MDGA2: variants seen among roughly 807,000 people sequenced by gnomAD.
MDGA2 encodes MAM domain containing glycosylphosphatidylinositol anchor 2, also known as MAM domain-containing glycosylphosphatidylinositol anchor protein 2.
A neutral mutation model predicts 117.8 loss-of-function variants in MDGA2; 40 were observed. That is an observed-to-expected ratio of 0.34 (90% CI 0.26 to 0.44). MDGA2 has a LOEUF of 0.44. Ranked by LOEUF, MDGA2 falls within the 20% of genes least tolerant of loss-of-function variation. The pLI is 1.00. For synonymous variants in MDGA2, 452 were observed against 439.0 expected (o/e 1.03, Z -0.37); for missense variants, 1,123 against 1,250.6 (o/e 0.90, Z 1.54).
At position 47,241,858 on chromosome 14, in the gene MDGA2, A is replaced by G. The variant is rs1237011424; in HGVS notation, c.421-23663T>C. Among the ~76,000 whole-genome samples the G allele has an allele frequency of 1.3e-5, 2 of 151,948 alleles. 1 individual carries two copies. The highest frequency in any genetic ancestry group is 2.9e-5 in the Non-Finnish European group (2 of 67,882). On this transcript the variant is annotated intron_variant, in intron 2 of 16. Coordinates refer to ENST00000399232, the MANE Select transcript of MDGA2 (RefSeq NM_001113498.3). The stretch of plus-strand genomic sequence containing the variant: ...CATAGGGGAACAAAACAAAATAGCT[A>G]AATTGAAATCCCTTCTTTACTATGA...
At chr14:47,529,929 A>G (rs906877105) in intron 1 of MDGA2, among the ~76,000 whole-genome samples, 4 of 152,208 alleles carry the variant, frequency 2.6e-5, no homozygotes, top group Non-Finnish European at 4.4e-5. Context: ...CCCTGAAACT[A>G]CTGCTACGGA....
intron 1 of MDGA2, among the ~76,000 whole-genome samples, chr14:47,469,471 A>G (rs1893674986): frequency 6.6e-6 from 1 of 152,224 alleles, no homozygotes; most frequent in Admixed American, 6.5e-5. Context: ...ATGTCCGTAC[A>G]AAGGACAAGA....
At chr14:47,506,843 C>T (rs751716695) in intron 1 of MDGA2, among the ~76,000 whole-genome samples, 18 of 151,946 alleles carry the variant, frequency 1.2e-4, no homozygotes, top group Admixed American at 5.9e-4. Context: ...AACTGAGGTC[C>T]CTGGATGGTT....
At chr14:47,002,648 G>A (rs1427761827) in intron 8 of MDGA2, among the ~76,000 whole-genome samples, 2 of 151,984 alleles carry the variant, frequency 1.3e-5, no homozygotes, top group African/African-American at 4.8e-5. Flanking sequence ...AGAATTGCTT[G>A]AACCCAGGAG....
At chr14:46,848,266 C>T (rs1179398635) in intron 15 of MDGA2, among the ~76,000 whole-genome samples, 1 of 151,976 alleles carries the variant, frequency 6.6e-6, no homozygotes, top group African/African-American at 2.4e-5. Context: ...ACATGGATTT[C>T]CTATCTTAGC....
intron 1 of MDGA2, among the ~76,000 whole-genome samples, chr14:47,313,678 T>A (rs561025147): frequency 6.6e-6 from 1 of 152,322 alleles, no homozygotes; most frequent in Admixed American, 6.5e-5. Flanking sequence ...ATTTACATAA[T>A]TCAATAATTT....
In MDGA2 at chr14:47,059,431, A is replaced by G; in HGVS notation, c.1525+1818T>C. On this transcript the variant is annotated intron_variant, in intron 7 of 16. Transcript: ENST00000399232. ...TAGTTAGGAAAATTTAATGATTACA[A>G]CCAATCTCTTATTACTAATCTTGAA... The G allele has an allele frequency of 9.7e-6, 6 of 619,918 alleles. No homozygotes were observed. The Middle Eastern group carries it at 1.5e-3, about 157-fold the overall frequency. The allele number at this position is 619,918 out of a possible 1,614,324, so 38.4% of individuals were successfully genotyped here.
At chr14:47,000,507 CTG>C (rs962586609) in intron 8 of MDGA2, among the ~76,000 whole-genome samples, 5 of 147,098 alleles carry the variant, frequency 3.4e-5, no homozygotes, top group Admixed American at 1.4e-4. Context: ...AAATTGCTAA[CTG>C]TGCATTGTTG....
intron 15 of MDGA2, among the ~76,000 whole-genome samples, chr14:46,852,757 T>C (rs1404601728): frequency 4.6e-5 from 7 of 151,878 alleles, no homozygotes; most frequent in Non-Finnish European, 8.8e-5. Flanking sequence ...TGAAAAATAA[T>C]TAGCCCTATA....
At chr14:47,091,567 A>G (rs1176579759) in intron 6 of MDGA2, among the ~76,000 whole-genome samples, 1 of 152,096 alleles carries the variant, frequency 6.6e-6, no homozygotes, top group Non-Finnish European at 1.5e-5. Context: ...TAAAAATGGG[A>G]GTCATATGAA....
At chr14:46,889,873 G>C (rs1882813036) in intron 10 of MDGA2, among the ~76,000 whole-genome samples, 1 of 151,876 alleles carries the variant, frequency 6.6e-6, no homozygotes, top group South Asian at 2.1e-4. Context: ...CTACATGTTG[G>C]GAAGTGAGCA....
chr14:47,030,101 C>T (rs35961631), intron 8 of MDGA2, among the ~76,000 whole-genome samples: 7,502 of 152,164 alleles, frequency 0.049, 234 homozygotes, highest in Middle Eastern at 0.075. Flanking sequence ...GCTGGGATTA[C>T]AGGTGTGAGC....
chr14:47,618,433 G>A (rs1896986839), intron 1 of MDGA2, among the ~76,000 whole-genome samples: 1 of 152,084 alleles, frequency 6.6e-6, no homozygotes, highest in Admixed American at 6.5e-5. Context: ...AAGTCTGTGT[G>A]GATGTCTATC....
At chr14:47,357,042 T>C (rs1224142847) in intron 1 of MDGA2, among the ~76,000 whole-genome samples, 2 of 152,218 alleles carry the variant, frequency 1.3e-5, no homozygotes, top group African/African-American at 2.4e-5. Flanking sequence ...AGAATCCTTA[T>C]CTTCTCAGTG....
intron 1 of MDGA2, among the ~76,000 whole-genome samples, chr14:47,344,513 C>T (rs1484485721): frequency 2.0e-5 from 3 of 152,048 alleles, no homozygotes; most frequent in Non-Finnish European, 4.4e-5. Context: ...TAACAATAAG[C>T]TGTAAATAGA....
At chr14:47,329,088 A>G (rs971392442) in intron 1 of MDGA2, among the ~76,000 whole-genome samples, 3 of 152,118 alleles carry the variant, frequency 2.0e-5, no homozygotes, top group African/African-American at 7.2e-5. Flanking sequence ...ACTAGGGGGA[A>G]AATTCAAATA....
chr14:47,246,681 C>A (rs1887248073), intron 2 of MDGA2, among the ~76,000 whole-genome samples: 2 of 151,688 alleles, frequency 1.3e-5, no homozygotes, highest in South Asian at 4.2e-4. Flanking sequence ...AACCAAATGA[C>A]TCCTCCCTTT....
intron 1 of MDGA2, among the ~76,000 whole-genome samples, chr14:47,428,922 C>G (rs901651375): frequency 6.6e-6 from 1 of 151,880 alleles, no homozygotes; most frequent in Non-Finnish European, 1.5e-5. Flanking sequence ...CTTTGTTGAA[C>G]AGAATCAAAT....
chr14:47,574,978 G>A (rs1045015719), intron 1 of MDGA2, among the ~76,000 whole-genome samples: 3 of 152,110 alleles, frequency 2.0e-5, no homozygotes, highest in Non-Finnish European at 4.4e-5. Context: ...ATGAGTATAC[G>A]TGGGTCTGTG....
Sources: gnomAD v4.1 joint callset for allele counts (sites outside exome capture counted in the v4.1 genomes callset) on GRCh38, gnomAD v4.1.1 for gene constraint, MANE v1.5 for transcripts, NCBI Gene and HGNC (gene_info 2026-07-23, HGNC 2026-07-21) for gene names.